The following TPD52L1 variants were observed in gnomAD, a reference collection of about 807,000 sequenced individuals.
TPD52L1 encodes TPD52 like 1.
TPD52L1 carries 18 observed loss-of-function variants against 28.7 expected under a neutral mutation model. That is an observed-to-expected ratio of 0.63 (90% CI 0.43 to 0.93). The LOEUF (loss-of-function observed/expected upper bound fraction) is 0.93. TPD52L1 is among the 40% of genes least tolerant of loss of function. The probability of loss-of-function intolerance (pLI) is 0.00; values close to 1 mark genes in which losing one functional copy is unlikely to be tolerated. For missense variants in TPD52L1, 203 were observed against 254.8 expected, an observed-to-expected ratio of 0.80 and a Z score of 1.39; for synonymous variants, 75 against 88.8, an observed-to-expected ratio of 0.84 and a Z score of 0.88.
At chr6:125,200,178 A>G (rs560394422) in intron 1 of TPD52L1, among the ~76,000 whole-genome samples, 1 of 152,304 alleles carries the variant, frequency 6.6e-6, no homozygotes, top group East Asian at 1.9e-4. Flanking sequence ...TCCTGCTTTT[A>G]TGTTCAGCAT....
chr6:125,262,453 A>G (rs1397414722), intron 6 of TPD52L1: 3 of 156,534 alleles, frequency 1.9e-5, no homozygotes, highest in African/African-American at 4.8e-5. Flanking sequence ...GGATGTTTAT[A>G]CATTTGTACA....
At chr6:125,186,821 A>C (rs777562699) in intron 1 of TPD52L1, among the ~76,000 whole-genome samples, 11 of 152,240 alleles carry the variant, frequency 7.2e-5, no homozygotes, top group Admixed American at 1.3e-4. Flanking sequence ...TTAATTTTAT[A>C]TAGATTAAAA....
At chr6:125,244,315 T>C (rs897824950) in intron 3 of TPD52L1, among the ~76,000 whole-genome samples, 5 of 152,184 alleles carry the variant, frequency 3.3e-5, no homozygotes, top group African/African-American at 7.2e-5. Context: ...TAGGCACTGG[T>C]TGTGGCTAAG....
chr6:125,237,908 C>G (rs1325713618), intron 3 of TPD52L1, among the ~76,000 whole-genome samples: 1 of 152,208 alleles, frequency 6.6e-6, no homozygotes, highest in Non-Finnish European at 1.5e-5. Context: ...GATCCACCCT[C>G]CTCAGCCTCC....
intron 3 of TPD52L1, among the ~76,000 whole-genome samples, chr6:125,242,297 G>A (rs1276032284): frequency 2.0e-5 from 3 of 152,038 alleles, no homozygotes; most frequent in African/African-American, 7.2e-5. Flanking sequence ...GTAAATATAT[G>A]TTAAGTCCAT....
intron 1 of TPD52L1, among the ~76,000 whole-genome samples, chr6:125,160,019 A>G (rs890944460): frequency 3.3e-5 from 5 of 152,244 alleles, no homozygotes; most frequent in African/African-American, 1.2e-4. Context: ...AGTTCCCCTG[A>G]GTATGTCCTC....
rs982928692 is a variant in TPD52L1 at position 125,248,272 on chromosome 6, T to C, written c.285-10T>C. ...GATATAAAAACCATGTTGTTCTGTT[T>C]TATTTCTAGCTACAAGAAAACACAT... is the stretch of plus-strand genomic sequence containing the variant. On this transcript the variant is annotated splice_polypyrimidine_tract_variant and intron_variant, in intron 3 of 6. Transcript: ENST00000534000. 5.0e-6 allele frequency: 8 copies of C among 1,610,640 alleles called. No individual in the cohort carries two copies. In the African/African-American group the frequency reaches 9.4e-5, roughly 19 times the overall value.
intron 1 of TPD52L1, among the ~76,000 whole-genome samples, chr6:125,168,841 G>A (rs1031139512): frequency 6.6e-6 from 1 of 152,112 alleles, no homozygotes; most frequent in African/African-American, 2.4e-5. Flanking sequence ...CCCATACTGA[G>A]GGAAAATAAA....
chr6:125,222,151 T>C (rs537492704), intron 2 of TPD52L1, among the ~76,000 whole-genome samples: 24 of 152,356 alleles, frequency 1.6e-4, no homozygotes, highest in African/African-American at 5.8e-4. Flanking sequence ...GGAACTCAAG[T>C]TCCCTGATAG....
intron 1 of TPD52L1, among the ~76,000 whole-genome samples, chr6:125,181,881 A>G (rs1032540942): frequency 6.6e-6 from 1 of 152,210 alleles, no homozygotes; most frequent in Non-Finnish European, 1.5e-5. Context: ...GACTCCACGA[A>G]CCAAGGTGTT....
At chr6:125,261,181 T>C (rs1241962696) in intron 6 of TPD52L1, 1 of 152,088 alleles carries the variant, frequency 6.6e-6, no homozygotes, top group African/African-American at 2.4e-5. Flanking sequence ...GTATTTACTG[T>C]CTGGCCCTTT....
chr6:125,224,674 G>A (rs940910259), intron 2 of TPD52L1, among the ~76,000 whole-genome samples: 2 of 152,218 alleles, frequency 1.3e-5, no homozygotes, highest in Middle Eastern at 3.2e-3. Flanking sequence ...CCACGTGCAC[G>A]TGAGACCAAA....
chr6:125,193,446 GA>G (rs1793194582), intron 1 of TPD52L1, among the ~76,000 whole-genome samples: 1 of 152,014 alleles, frequency 6.6e-6, no homozygotes, highest in Non-Finnish European at 1.5e-5. Flanking sequence ...ATTGGGATGG[GA>G]AAATAGCTGA....
chr6:125,177,798 C>T (rs371136825), intron 1 of TPD52L1, among the ~76,000 whole-genome samples: 9 of 151,840 alleles, frequency 5.9e-5, no homozygotes, highest in East Asian at 1.9e-4. Flanking sequence ...ACTTTTAAAG[C>T]GACTTTGATA....
intron 1 of TPD52L1, among the ~76,000 whole-genome samples, chr6:125,218,363 A>G (rs73771279): frequency 0.019 from 2,818 of 152,296 alleles, 84 homozygotes; most frequent in African/African-American, 0.065. Flanking sequence ...AGTGAAGTCA[A>G]GCATGCTTTC....
intron 1 of TPD52L1, among the ~76,000 whole-genome samples, chr6:125,171,149 C>T (rs1319163781): frequency 6.6e-6 from 1 of 152,068 alleles, no homozygotes; most frequent in African/African-American, 2.4e-5. Flanking sequence ...ATTCTTAGGC[C>T]CCACCCATTT....
intron 4 of TPD52L1, among the ~76,000 whole-genome samples, chr6:125,249,143 A>G (rs184916034): frequency 1.3e-3 from 189 of 150,988 alleles, no homozygotes; most frequent in African/African-American, 4.1e-3. Flanking sequence ...TATATACAAT[A>G]TATTATATAC....
At chr6:125,236,429 C>T (rs765617879) in intron 3 of TPD52L1, among the ~76,000 whole-genome samples, 1 of 152,120 alleles carries the variant, frequency 6.6e-6, no homozygotes, top group Non-Finnish European at 1.5e-5. Context: ...TCAATATATA[C>T]TTCTCTCTAG....
At chr6:125,216,492 TA>T (rs1459835977) in intron 1 of TPD52L1, among the ~76,000 whole-genome samples, 1 of 142,182 alleles carries the variant, frequency 7.0e-6, no homozygotes, top group Non-Finnish European at 1.5e-5. Context: ...ATTGAATAAA[TA>T]AACCAAGTTT....
Sources: gnomAD v4.1 joint callset for allele counts (sites outside exome capture counted in the v4.1 genomes callset) on GRCh38, gnomAD v4.1.1 for gene constraint, MANE v1.5 for transcripts, NCBI Gene and HGNC (gene_info 2026-07-23, HGNC 2026-07-21) for gene names.